The following TRABD2A variants were observed in gnomAD, a reference collection of about 807,000 sequenced individuals.
The protein encoded by TRABD2A is metalloprotease TIKI1.
A neutral mutation model predicts 45.6 loss-of-function variants in TRABD2A; 43 were observed. That is an observed-to-expected ratio of 0.94 (90% confidence interval 0.74 to 1.22). TRABD2A has a LOEUF of 1.22. TRABD2A is among the 50% of genes most tolerant of loss of function. The pLI is 0.00. For synonymous variants in TRABD2A, 269 were observed against 265.0 expected (o/e 1.02, Z -0.15); for missense variants, 642 against 652.4 (o/e 0.98, Z 0.17).
intron 1 of TRABD2A, chr2:84,875,055 A>G (rs1682985219): frequency 5.7e-6 from 1 of 175,810 alleles, no homozygotes; most frequent in African/African-American, 2.4e-5. Context: ...TCATGACATC[A>G]ACAATGGTGC....
chr2:84,872,213 G>A (rs1360259704), intron 1 of TRABD2A, among the ~76,000 whole-genome samples: 2 of 152,266 alleles, frequency 1.3e-5, no homozygotes, highest in African/African-American at 4.8e-5. Flanking sequence ...GTTATAGAAA[G>A]ACTATATATA....
At chr2:84,857,720 T>C (rs936054900) in intron 2 of TRABD2A, among the ~76,000 whole-genome samples, 2 of 152,104 alleles carry the variant, frequency 1.3e-5, no homozygotes, top group African/African-American at 4.8e-5. Context: ...GTTCCCAGAC[T>C]CCCGATGTCT....
chr2:84,834,480 C>T (rs138398949), intron 4 of TRABD2A: 3 of 152,338 alleles, frequency 2.0e-5, no homozygotes, highest in East Asian at 1.9e-4. Flanking sequence ...GTATGCCAGT[C>T]GGTGATTTTT....
At chr2:84,826,269 A>G (rs1681142492) in intron 5 of TRABD2A, among the ~76,000 whole-genome samples, 1 of 152,098 alleles carries the variant, frequency 6.6e-6, no homozygotes, top group African/African-American at 2.4e-5. Context: ...TTTCTGTTCA[A>G]CTCACAACAA....
chr2:84,845,070 G>A (rs1681837304), intron 2 of TRABD2A, among the ~76,000 whole-genome samples: 1 of 152,154 alleles, frequency 6.6e-6, no homozygotes, highest in Non-Finnish European at 1.5e-5. Context: ...AGAACTTTAG[G>A]CCAGGCGCGG....
chr2:84,832,326 G>T (rs1681367926), intron 4 of TRABD2A, 181 bp from the exon 5 acceptor site: 1 of 602,612 alleles, frequency 1.7e-6, no homozygotes, highest in Non-Finnish European at 3.0e-6. Context: ...AGGCAGGCAG[G>T]GCAGCATCAG....
chr2:84,861,749 T>G lies in TRABD2A; in HGVS notation c.669+8476A>C, dbSNP rs142269437. Among the ~76,000 whole-genome samples the G allele has an allele frequency of 1.3e-4, 20 of 152,284 alleles. No individual in the cohort carries two copies. The East Asian group carries it at 3.9e-3, about 29-fold the overall frequency. ...CCCCGAAAGTCAGGCAGCAGCAACC[T>G]ACCTGCCTGTATTCTGCTCAGCGAT... On this transcript the variant is annotated intron_variant, in intron 2 of 6. Transcript: ENST00000409520.
At chr2:84,843,457 T>C (rs142517596) in intron 2 of TRABD2A, 63 of 152,236 alleles carry the variant, frequency 4.1e-4, no homozygotes, top group African/African-American at 1.5e-3. Context: ...TTGCCTCCCA[T>C]GGGCCAAGGT....
chr2:84,826,171 T>C (rs1290923755), intron 5 of TRABD2A, among the ~76,000 whole-genome samples: 2 of 152,200 alleles, frequency 1.3e-5, no homozygotes, highest in African/African-American at 4.8e-5. Context: ...TGCTTTGATT[T>C]AGTGAGGAAC....
intron 2 of TRABD2A, 123 bp downstream of exon 2, chr2:84,870,102 C>G (rs1224425343): frequency 3.8e-6 from 4 of 1,043,088 alleles, no homozygotes; most frequent in Non-Finnish European, 5.5e-6. Context: ...CCCGGAAAAG[C>G]ATTTTTAAGC....
At chr2:84,843,436 G>A (rs1046567599) in intron 2 of TRABD2A, 1 of 152,256 alleles carries the variant, frequency 6.6e-6, no homozygotes, top group Non-Finnish European at 1.5e-5. Context: ...GAGGAGACAA[G>A]GCTTCCTGGT....
rs890745645 is a variant in TRABD2A at position 84,825,832 on chromosome 2, T to G, written c.1083-1628A>C. ...GATTAGCAGGGACATCAGATTCTCA[T>G]AGGATCGCAAACCCTGTTGTGAATT... On this transcript the variant is annotated intron_variant, in intron 5 of 6. Transcript: ENST00000409520. Among the ~76,000 whole-genome samples, 5 of 152,094 alleles carry G rather than the reference T, an allele frequency of 3.3e-5. 1 individual carries two copies. The highest frequency in any genetic ancestry group is 9.7e-5 in the African/African-American group (4 of 41,416).
At chr2:84,859,243 G>C (rs1484716581) in intron 2 of TRABD2A, among the ~76,000 whole-genome samples, 2 of 152,234 alleles carry the variant, frequency 1.3e-5, no homozygotes, top group African/African-American at 4.8e-5. Context: ...GAAACAGCCA[G>C]CAAAGAGTAA....
chr2:84,828,421 C>T (rs1681210795), intron 5 of TRABD2A, among the ~76,000 whole-genome samples: 1 of 152,232 alleles, frequency 6.6e-6, no homozygotes, highest in Non-Finnish European at 1.5e-5. Context: ...TACCAGATGG[C>T]TGCCGAGGAG....
At chr2:84,832,237 T>G in intron 4 of TRABD2A, 92 bp from the exon 5 acceptor site, 1 of 1,322,096 alleles carries the variant, frequency 7.6e-7, no homozygotes, top group South Asian at 1.2e-5. Flanking sequence ...GAAATTACCC[T>G]GCCAAGCCCC....
At chr2:84,855,126 A>T (rs1682230965) in intron 2 of TRABD2A, among the ~76,000 whole-genome samples, 1 of 152,164 alleles carries the variant, frequency 6.6e-6, no homozygotes, top group Non-Finnish European at 1.5e-5. Context: ...CAAAGAGTAC[A>T]TCTACCCCAC....
At chr2:84,880,845 G>C in intron 1 of TRABD2A, 87 bp downstream of exon 1, 2 of 1,532,814 alleles carry the variant, frequency 1.3e-6, no homozygotes, top group Non-Finnish European at 1.8e-6. Context: ...CTCGGGGTCC[G>C]AAAGCGCTGC....
chr2:84,848,731 A>C (rs1193252167), intron 2 of TRABD2A, among the ~76,000 whole-genome samples: 1 of 151,556 alleles, frequency 6.6e-6, no homozygotes, highest in Non-Finnish European at 1.5e-5. Flanking sequence ...ACCCACCACC[A>C]CGCCCAGCTA....
At chr2:84,868,630 T>C (rs1682771562) in intron 2 of TRABD2A, among the ~76,000 whole-genome samples, 1 of 152,094 alleles carries the variant, frequency 6.6e-6, no homozygotes, top group African/African-American at 2.4e-5. Context: ...GTAACAAACC[T>C]GCACGTTGTG....
Sources: allele counts gnomAD v4.1 joint callset (sites outside exome capture counted in the v4.1 genomes callset), GRCh38; gene constraint gnomAD v4.1.1; transcripts MANE v1.5; gene names NCBI Gene and HGNC (gene_info 2026-07-23, HGNC 2026-07-21).